The following NCOR2 variants were observed in gnomAD, a reference collection of about 807,000 sequenced individuals.
NCOR2 encodes the protein CTG repeat protein 26.
In NCOR2, 81 loss-of-function variants were observed where a neutral mutation model predicts 262.9. The observed-to-expected ratio is 0.31, with a 90% CI of 0.26 to 0.37. The LOEUF is 0.37. Among genes scored for constraint, NCOR2 ranks in the 10% least tolerant of loss-of-function variants. NCOR2 has a pLI of 1.00. For missense variants in NCOR2, 3,385 were observed against 3,621.4 expected (o/e 0.93, Z 1.68); for synonymous variants, 1,659 against 1,559.3 (o/e 1.06, Z -1.51).
intron 11 of NCOR2, among the ~76,000 whole-genome samples, chr12:124,425,029 A>G (rs780857224): frequency 2.0e-5 from 3 of 152,254 alleles, no homozygotes; most frequent in Non-Finnish European, 4.4e-5. Context: ...CATGCAGCCC[A>G]GGACGGCTTT....
chr12:124,325,377 G>GCCCA (rs2034532437), exon 47 of NCOR2: 1 of 246,788 alleles, frequency 4.1e-6, no homozygotes, highest in Non-Finnish European at 6.6e-6. Flanking sequence ...ACCTGACACC[G>GCCCA]CCCCCCCCCC....
At chr12:124,330,484 G>A (rs888850523) in intron 44 of NCOR2, among the ~76,000 whole-genome samples, 3 of 152,208 alleles carry the variant, frequency 2.0e-5, no homozygotes, top group Non-Finnish European at 4.4e-5. Flanking sequence ...GAGTGAACTC[G>A]GAGGCTTGTG....
At position 124,449,838 on chromosome 12, in the gene NCOR2, C is replaced by T. The variant is rs746138377; in HGVS notation, c.792G>A (p.Arg264=). Residue 264 remains arginine (R), a synonymous_variant, in exon 7 of 47, where the codon CGG becomes CGA. Coordinates refer to ENST00000405201, the Ensembl canonical transcript of NCOR2. ...ACATTTTGATGTTCTCATGATACTG[C>T]CGGGTGTCGGAGGGCTGGTTGTACA... is the stretch of plus-strand genomic sequence containing the variant. 2.5e-6 allele frequency: 4 copies of T among 1,614,086 alleles called. No individual in the cohort carries two copies. The South Asian group carries it at 4.4e-5, about 18-fold the overall frequency.
In NCOR2 at chr12:124,440,258, C is replaced by T. The variant is rs561223949; in HGVS notation, c.816-2262G>A. On this transcript the variant is annotated intron_variant, in intron 7 of 46. Coordinates refer to ENST00000405201, the Ensembl canonical transcript of NCOR2. This position sits in a 1 kb window ranked among gnomAD's most constrained non-coding sequence, Gnocchi z 5.7. ...ACTGGGAGCCACGCTATGTCCAGCC[C>T]CCGGGACCCCAGCCCCATTGGAAAC... 1.3e-5 allele frequency among the ~76,000 whole-genome samples: 2 copies of T among 152,328 alleles called. No individual in the cohort carries two copies. The highest frequency in any genetic ancestry group is 4.1e-4 in the South Asian group (2 of 4,824).
chr12:124,337,424 CT>C, intron 37 of NCOR2: 1 of 686,802 alleles, frequency 1.5e-6, no homozygotes, highest in Non-Finnish European at 2.7e-6. Context: ...GTGCCAGGCA[CT>C]GTTCTAGACA....
At chr12:124,361,479 C>T (rs557186675) in intron 22 of NCOR2, among the ~76,000 whole-genome samples, 24 of 152,348 alleles carry the variant, frequency 1.6e-4, no homozygotes, top group African/African-American at 4.8e-4. Context: ...CAATCACGCC[C>T]GCCTGTCTCC....
intron 4 of NCOR2, among the ~76,000 whole-genome samples, chr12:124,471,148 G>C (rs909310044): frequency 6.6e-6 from 1 of 152,192 alleles, no homozygotes; most frequent in Non-Finnish European, 1.5e-5. Flanking sequence ...CTCAAATCCT[G>C]GTTCCCCCAA....
intron 13 of NCOR2, among the ~76,000 whole-genome samples, chr12:124,414,966 G>A (rs918581301): frequency 2.6e-5 from 4 of 152,166 alleles, no homozygotes; most frequent in African/African-American, 7.2e-5. Context: ...GGCCTGAGCT[G>A]CCAGGATAGG....
intron 7 of NCOR2, among the ~76,000 whole-genome samples, chr12:124,446,156 G>T (rs2045154870): frequency 1.3e-5 from 2 of 152,182 alleles, no homozygotes; most frequent in African/African-American, 4.8e-5. Context: ...AGGCTGCCAA[G>T]GGCAGCTTCC....
At chr12:124,338,572 G>A (rs985810043) in intron 37 of NCOR2, among the ~76,000 whole-genome samples, 1 of 151,366 alleles carries the variant, frequency 6.6e-6, no homozygotes, top group Non-Finnish European at 1.5e-5. Context: ...CCCCCCTGGT[G>A]AAGCAGCTCT....
At chr12:124,480,057 C>A (rs1329842269) in intron 3 of NCOR2, among the ~76,000 whole-genome samples, 2 of 152,230 alleles carry the variant, frequency 1.3e-5, no homozygotes, top group African/African-American at 2.4e-5. Flanking sequence ...ATGCCTCCTG[C>A]GTGCCAGCCT....
chr12:124,562,597 G>C (rs1462087952), intron 1 of NCOR2, among the ~76,000 whole-genome samples: 1 of 152,192 alleles, frequency 6.6e-6, no homozygotes, highest in Non-Finnish European at 1.5e-5. Context: ...CAGACACTAA[G>C]TGATTAAAGA....
At chr12:124,501,004 ATTAAAAACCAACCT>A (rs1219621259) in intron 1 of NCOR2, among the ~76,000 whole-genome samples, 1 of 151,814 alleles carries the variant, frequency 6.6e-6, no homozygotes, top group African/African-American at 2.4e-5. Context: ...GAGCCTCGGG[ATTAAAAACCAACCT>A]GCCAGGCAGA....
intron 43 of NCOR2, among the ~76,000 whole-genome samples, chr12:124,331,182 C>A (rs949583924): frequency 6.6e-6 from 1 of 151,922 alleles, no homozygotes; most frequent in African/African-American, 2.4e-5. Flanking sequence ...CCTGCCTCAG[C>A]CTCCCGAGTA....
At chr12:124,439,465 AGAGAGG>A (rs2044688498) in intron 7 of NCOR2, among the ~76,000 whole-genome samples, 1 of 150,018 alleles carries the variant, frequency 6.7e-6, no homozygotes, top group African/African-American at 2.5e-5. Flanking sequence ...AGGGACCCAG[AGAGAGG>A]GAGACAGAGA....
intron 34 of NCOR2, 45 bp downstream of exon 36, chr12:124,341,778 G>A (rs1220105304): frequency 6.4e-7 from 1 of 1,560,990 alleles, no homozygotes; most frequent in East Asian, 2.3e-5. Flanking sequence ...ATGTCCTTTG[G>A]GAATAAGGCC....
exon 21 of NCOR2, chr12:124,363,757 G>C: frequency 7.2e-7 from 1 of 1,390,320 alleles, no homozygotes. Flanking sequence ...TGGCCCGGGG[G>C]TCGCCAGTCG....
Position 124,332,464 on chromosome 12 carries a change from C to A in NCOR2, c.6759G>T (p.Arg2253Ser), listed in dbSNP as rs80320256. The A allele has an allele frequency of 7.4e-5, 119 of 1,614,170 alleles. 1 individual carries two copies. The highest frequency in any genetic ancestry group is 9.4e-5 in the Non-Finnish European group (111 of 1,180,008). Reference sequence around the variant, plus strand: ...TGTTGCCTGGAGACTTGGAGCCCATCCTGCTGTGAGGATCAAACACCTCAC... The same window carrying A: ...TGTTGCCTGGAGACTTGGAGCCCATACTGCTGTGAGGATCAAACACCTCAC... The change falls in exon 43 of 47, where the codon AGG becomes AGT. Residue 2253 changes from arginine (R) to serine (S), a missense_variant. Physicochemically the swap from Arg to Ser is moderately radical, Grantham distance 110. Around this residue, in one of 5 missense-constraint regions of NCOR2, gnomAD observed 1,017 missense variants for 967.2 expected, o/e 1.05. Transcript: ENST00000405201.
At chr12:124,356,806 G>A in intron 22 of NCOR2, 24 bp from the exon 25 acceptor site, 1 of 1,452,274 alleles carries the variant, frequency 6.9e-7, no homozygotes, top group Non-Finnish European at 9.0e-7. Context: ...AGGCTTCTCT[G>A]CTGAGGGCAG....
Sources: gnomAD v4.1 joint callset for allele counts (sites outside exome capture counted in the v4.1 genomes callset) on GRCh38, gnomAD v4.1.1 for gene constraint, gnomAD v4.1.1 regional missense constraint, Gnocchi (gnomAD v3.1) non-coding constraint, MANE v1.5 for transcripts, NCBI Gene and HGNC (gene_info 2026-07-23, HGNC 2026-07-21) for gene names.